MED20: variants seen among roughly 807,000 people sequenced by gnomAD.
The protein encoded by MED20 is mediator of RNA polymerase II transcription subunit 20.
In MED20, 19 loss-of-function variants were observed where a neutral mutation model predicts 19.7. That is an observed-to-expected ratio of 0.96 (90% CI 0.67 to 1.42). The LOEUF (loss-of-function observed/expected upper bound fraction) is 1.42. MED20 is among the 40% of genes most tolerant of loss of function. The pLI, the probability that MED20 is intolerant of heterozygous loss-of-function variation, is 0.00. For synonymous variants in MED20, 105 were observed against 104.8 expected, an observed-to-expected ratio of 1.00 and a Z score of -0.01; for missense variants, 225 against 273.0, an observed-to-expected ratio of 0.82 and a Z score of 1.24.
chr6:41,909,563 C>G, intron 2 of MED20, 41 bp from the exon 3 acceptor site: 2 of 1,602,826 alleles, frequency 1.2e-6, no homozygotes, highest in Non-Finnish European at 1.7e-6. Flanking sequence ...AAGACTTTCA[C>G]TGGCAAACCC....
intron 2 of MED20, chr6:41,912,914 C>T: frequency 6.6e-6 from 1 of 152,178 alleles, no homozygotes; most frequent in Non-Finnish European, 1.5e-5. Context: ...TTGAGACCAG[C>T]CTGGGCAACA....
At chr6:41,913,587 T>C (rs1016068292) in intron 2 of MED20, among the ~76,000 whole-genome samples, 4 of 152,216 alleles carry the variant, frequency 2.6e-5, no homozygotes, top group African/African-American at 9.6e-5. Flanking sequence ...AACTCTTAGC[T>C]ACTAAATATT....
chr6:41,919,559 A>C (rs1412408599), intron 1 of MED20, among the ~76,000 whole-genome samples: 1 of 152,208 alleles, frequency 6.6e-6, no homozygotes, highest in East Asian at 1.9e-4. Flanking sequence ...TACAAGTGAC[A>C]GAAGTCCTAG....
At chr6:41,911,988 G>A (rs1775206126) in intron 2 of MED20, among the ~76,000 whole-genome samples, 1 of 151,866 alleles carries the variant, frequency 6.6e-6, no homozygotes, top group Non-Finnish European at 1.5e-5. Context: ...ACTAAGGGGT[G>A]TGTGTGTGCG....
intron 1 of MED20, chr6:41,917,716 A>G: frequency 2.1e-6 from 1 of 467,646 alleles, no homozygotes. Flanking sequence ...CATATAATGA[A>G]AAAGGGATTC....
intron 2 of MED20, among the ~76,000 whole-genome samples, chr6:41,910,887 T>A (rs1303037997): frequency 6.6e-6 from 1 of 151,682 alleles, no homozygotes; most frequent in Non-Finnish European, 1.5e-5. Flanking sequence ...GGTGGGTGGA[T>A]CACTTGAGGT....
chr6:41,909,076 A>T, intron 3 of MED20, 193 bp downstream of exon 3: 1 of 692,148 alleles, frequency 1.4e-6, no homozygotes, highest in Non-Finnish European at 2.4e-6. Context: ...TGGGAGACTG[A>T]GGCGGAAGGA....
intron 1 of MED20, chr6:41,917,765 A>G: frequency 2.1e-6 from 1 of 471,308 alleles, no homozygotes; most frequent in South Asian, 1.5e-5. Context: ...ATCAAGGGAA[A>G]AGTCTCCGTT....
chr6:41,920,874 G>A (rs2127383102), intron 1 of MED20, 131 bp downstream of exon 1: 2 of 1,153,834 alleles, frequency 1.7e-6, no homozygotes, highest in Non-Finnish European at 2.3e-6. Flanking sequence ...CAGCCCGGAC[G>A]GCATCCTCTC....
intron 1 of MED20, chr6:41,917,399 T>TAA (rs1236182311): frequency 4.3e-4 from 69 of 159,030 alleles, no homozygotes; most frequent in South Asian, 1.8e-3. Context: ...GACGCCATCT[T>TAA]AAAAAAAAAA....
At chr6:41,910,048 G>C (rs1775152504) in intron 2 of MED20, among the ~76,000 whole-genome samples, 1 of 152,072 alleles carries the variant, frequency 6.6e-6, no homozygotes, top group South Asian at 2.1e-4. Context: ...CATAAGCAGG[G>C]AAAGGTAGAT....
Position 41,921,132 on chromosome 6 carries a change from G to A in MED20, c.-114C>T. On this transcript the variant is annotated 5_prime_UTR_variant, in exon 1 of 4. Transcript: ENST00000265350. ...AACCTTCTGTCTCAGAAGGGACTCC[G>A]GAAATACGTAAAAACAGAGCGCCGG... 7.2e-7 allele frequency: 1 copy of A among 1,397,980 alleles called. No individual in the cohort carries two copies. Among genetic ancestry groups the A allele is most frequent in the Non-Finnish European group, 9.8e-7 (1 of 1,020,070 alleles). 86.6% of individuals were successfully genotyped at this position (1,397,980 alleles called of 1,614,324 possible).
chr6:41,913,049 A>G (rs1424053185), intron 2 of MED20: 1 of 151,212 alleles, frequency 6.6e-6, no homozygotes, highest in African/African-American at 2.4e-5. Flanking sequence ...GGTCGAGGCA[A>G]TAGTGAGCTA....
At chr6:41,907,486 T>A (rs1306601411) in intron 3 of MED20, among the ~76,000 whole-genome samples, 199 bp from the exon 4 acceptor site, 6 of 152,130 alleles carry the variant, frequency 3.9e-5, no homozygotes, top group Non-Finnish European at 5.9e-5. Context: ...ATCTTTGACC[T>A]TCTCATCCTG....
At chr6:41,916,115 G>C (rs1775309402) in intron 2 of MED20, among the ~76,000 whole-genome samples, 1 of 151,984 alleles carries the variant, frequency 6.6e-6, no homozygotes, top group Non-Finnish European at 1.5e-5. Context: ...AGGCGTGGTG[G>C]CTCATGCCTG....
chr6:41,907,359 GC>G, intron 3 of MED20, 72 bp from the exon 4 acceptor site: 1 of 1,418,794 alleles, frequency 7.0e-7, no homozygotes, highest in Non-Finnish European at 9.6e-7. Flanking sequence ...TGTACCTCCT[GC>G]CTCCTGCTCC....
chr6:41,910,370 A>T (rs1458306253), intron 2 of MED20, among the ~76,000 whole-genome samples: 2 of 152,162 alleles, frequency 1.3e-5, no homozygotes, highest in Non-Finnish European at 2.9e-5. Flanking sequence ...AGTGGCTCCC[A>T]CCCGTAATCC....
At chr6:41,913,894 G>A (rs565742131) in intron 2 of MED20, among the ~76,000 whole-genome samples, 62 of 151,766 alleles carry the variant, frequency 4.1e-4, no homozygotes, top group Admixed American at 1.4e-3. Flanking sequence ...ACAAAACTCC[G>A]TCTCAAAAAA....
intron 2 of MED20, among the ~76,000 whole-genome samples, chr6:41,912,221 TGTAAAGATGAGGTC>T (rs1775212548): frequency 6.8e-6 from 1 of 146,790 alleles, no homozygotes. Context: ...TTTTTTTTTT[TGTAAAGATGAGGTC>T]TTACCATCTT....
Sources: allele counts gnomAD v4.1 joint callset (sites outside exome capture counted in the v4.1 genomes callset), GRCh38; gene constraint gnomAD v4.1.1; transcripts MANE v1.5; gene names NCBI Gene and HGNC (gene_info 2026-07-23, HGNC 2026-07-21).